Variants in BICRAL observed in about 807,000 individuals in gnomAD.
BICRAL encodes the protein BICRA like chromatin remodeling complex associated protein.
Under a neutral mutation model 91.8 loss-of-function variants are expected in BICRAL, and 8 were observed. That is an observed-to-expected ratio of 0.09 (90% confidence interval 0.05 to 0.16). The LOEUF (loss-of-function observed/expected upper bound fraction) is 0.16. BICRAL is among the 10% of genes least tolerant of loss of function. The pLI is 1.00. For synonymous variants in BICRAL, 445 were observed against 491.1 expected, an observed-to-expected ratio of 0.91 and a Z score of 1.24; for missense variants, 1,038 against 1,310.9, an observed-to-expected ratio of 0.79 and a Z score of 3.21.
chr6:42,774,729 C>CT (rs1412097561), intron 1 of BICRAL, among the ~76,000 whole-genome samples: 3 of 151,984 alleles, frequency 2.0e-5, no homozygotes. Flanking sequence ...ATTATATGGT[C>CT]TAAGGGTATT....
At chr6:42,800,599 G>C (rs1763537551) in intron 1 of BICRAL, among the ~76,000 whole-genome samples, 1 of 149,910 alleles carries the variant, frequency 6.7e-6, no homozygotes, top group African/African-American at 2.5e-5. Flanking sequence ...GCCCAGGCTA[G>C]AGTGCAGTGC....
Position 42,829,410 on chromosome 6 carries a change from G to A in BICRAL, c.1077G>A (p.Met359Ile), listed in dbSNP as rs1378375984. 1.2e-6 allele frequency: 2 copies of A among 1,614,186 alleles called. No homozygotes were observed. Among genetic ancestry groups the A allele is most frequent in the Non-Finnish European group, 1.7e-6 (2 of 1,180,040 alleles). The change falls in exon 6 of 13, where the codon ATG (methionine) becomes ATA (isoleucine). Residue 359 changes from methionine (M) to isoleucine (I), a missense_variant. This residue lies in a region of BICRAL where 532 missense variants were observed against 724.9 expected (regional missense o/e 0.73). Transcript: ENST00000314073. ...SPQGSVVGPH[M>I]SVNIVNQQNT... ...AGGGCTCAGTAGTTGGTCCACACATGTCTGTGAACATTGTAAACCAACAGA... is the reference window on the plus strand; with the variant it reads ...AGGGCTCAGTAGTTGGTCCACACATATCTGTGAACATTGTAAACCAACAGA...
chr6:42,848,246 C>G lies in BICRAL; in HGVS notation c.1840-3846C>G, dbSNP rs1257087614. Among the ~76,000 whole-genome samples the G allele has an allele frequency of 9.3e-5, 14 of 150,294 alleles. No individual in the cohort carries two copies. The East Asian group carries it at 2.6e-3, about 27-fold the overall frequency. ...CAGCCTGGGCGACAGAGTGAGACTC[C>G]ATCTCAAAAAAAAAAAAATTAGCCA... is the stretch of plus-strand genomic sequence containing the variant. On this transcript the variant is annotated intron_variant, in intron 6 of 12. Transcript: ENST00000314073.
chr6:42,842,857 T>TA (rs573351637), intron 6 of BICRAL, among the ~76,000 whole-genome samples: 9 of 55,682 alleles, frequency 1.6e-4, no homozygotes, highest in African/African-American at 6.3e-4. Flanking sequence ...GAACACAGTA[T>TA]TTTTTTTTTT....
intron 1 of BICRAL, among the ~76,000 whole-genome samples, chr6:42,797,963 G>A (rs1294540937): frequency 6.6e-6 from 1 of 152,146 alleles, no homozygotes; most frequent in Non-Finnish European, 1.5e-5. Flanking sequence ...GTGACAAAGT[G>A]AGACAATGTC....
At chr6:42,784,581 A>G (rs1006874651) in intron 1 of BICRAL, among the ~76,000 whole-genome samples, 3 of 152,206 alleles carry the variant, frequency 2.0e-5, no homozygotes, top group Admixed American at 1.3e-4. Flanking sequence ...CAGCCCAGAA[A>G]TAGTGATTTT....
chr6:42,775,527 G>T (rs569940683), intron 1 of BICRAL, among the ~76,000 whole-genome samples: 1 of 152,332 alleles, frequency 6.6e-6, no homozygotes, highest in East Asian at 1.9e-4. Context: ...CCAGTGAATG[G>T]CACATCCTGG....
rs111393871 is a variant in BICRAL, at chr6:42,868,140, T to G, written c.*2694T>G. On this transcript the variant is annotated 3_prime_UTR_variant, in exon 13 of 13. Coordinates refer to ENST00000314073, the MANE Select transcript of BICRAL (RefSeq NM_001393499.1). ...TTAAGCATTTGATTTTCTGTGTCCT[T>G]AAGTACTTCCTGAAGATGAAGCAAA... 3.0e-4 allele frequency: 46 copies of G among 152,238 alleles called. No individual in the cohort carries two copies. Among genetic ancestry groups the G allele is most frequent in the African/African-American group, 1.1e-3 (44 of 41,428 alleles). 9.4% of individuals were successfully genotyped at this position (152,238 alleles called of 1,614,324 possible).
intron 2 of BICRAL, among the ~76,000 whole-genome samples, chr6:42,814,849 G>A (rs1358731373): frequency 1.3e-5 from 2 of 151,784 alleles, no homozygotes; most frequent in African/African-American, 4.8e-5. Context: ...AAAAACATTT[G>A]TAATAGTGGC....
rs116495900 is a variant in BICRAL at position 42,851,333 on chromosome 6, G to A, written c.1840-759G>A. On this transcript the variant is annotated intron_variant, in intron 6 of 12. Transcript: ENST00000314073. ...GCCCAGGAGTTTGAGACCAGCCTTG[G>A]TAACATAATGAGACCCTATGGCAAA... 7.8e-3 allele frequency among the ~76,000 whole-genome samples: 1,180 copies of A among 152,176 alleles called. 16 individuals carry two copies. Among genetic ancestry groups the A allele is most frequent in the African/African-American group, 0.027 (1,130 of 41,502 alleles).
intron 2 of BICRAL, among the ~76,000 whole-genome samples, chr6:42,815,472 G>A (rs903605102): frequency 6.6e-6 from 1 of 151,928 alleles, no homozygotes; most frequent in Non-Finnish European, 1.5e-5. Flanking sequence ...GATTACAGGC[G>A]TGAGCCACCG....
rs546946437 is a variant in BICRAL, at chr6:42,790,676, A to G, written c.-102+8575A>G. Among the ~76,000 whole-genome samples the G allele has an allele frequency of 2.0e-5, 3 of 152,216 alleles. No homozygotes were observed. The East Asian group carries it at 5.8e-4, about 29-fold the overall frequency. ...AATGGAGTAGATGATGGAATTCAAA[A>G]TAGCTGTCTACATTCTTCACTGAGA... On this transcript the variant is annotated intron_variant, in intron 1 of 12. Coordinates refer to ENST00000314073, the MANE Select transcript of BICRAL (RefSeq NM_001393499.1).
At chr6:42,840,893 G>A (rs759693209) in intron 6 of BICRAL, among the ~76,000 whole-genome samples, 1 of 151,242 alleles carries the variant, frequency 6.6e-6, no homozygotes, top group Non-Finnish European at 1.5e-5. Flanking sequence ...GGCTAACATG[G>A]TGAAACCTCG....
chr6:42,752,976 G>A (rs1189864456), intron 1 of BICRAL, among the ~76,000 whole-genome samples: 1 of 142,124 alleles, frequency 7.0e-6, no homozygotes, highest in African/African-American at 2.7e-5. Flanking sequence ...ACCCAGGCTA[G>A]AGTGCAGTGG....
chr6:42,817,705 T>A (rs945928113), intron 2 of BICRAL, among the ~76,000 whole-genome samples: 1 of 152,082 alleles, frequency 6.6e-6, no homozygotes, highest in African/African-American at 2.4e-5. Context: ...TTCAAGAACA[T>A]TTTTATTGCC....
intron 6 of BICRAL, among the ~76,000 whole-genome samples, chr6:42,840,620 T>A (rs1177405080): frequency 6.6e-6 from 1 of 151,626 alleles, no homozygotes; most frequent in Non-Finnish European, 1.5e-5. Context: ...CACTCCAACC[T>A]CCACCTCCCA....
intron 6 of BICRAL, among the ~76,000 whole-genome samples, chr6:42,847,331 T>G (rs968830109): frequency 1.3e-5 from 2 of 152,202 alleles, no homozygotes; most frequent in Non-Finnish European, 2.9e-5. Context: ...TAGATGTTTA[T>G]CAAATTGAGA....
chr6:42,840,630 A>C (rs1419170940), intron 6 of BICRAL, among the ~76,000 whole-genome samples: 1 of 151,226 alleles, frequency 6.6e-6, no homozygotes, highest in Non-Finnish European at 1.5e-5. Flanking sequence ...TCCACCTCCC[A>C]GTTCAAGCAA....
chr6:42,752,912 CTTTTTTT>C (rs57864510), intron 1 of BICRAL, among the ~76,000 whole-genome samples: 78 of 82,216 alleles, frequency 9.5e-4, no homozygotes, highest in African/African-American at 2.9e-3. Flanking sequence ...CCCCAGCTGA[CTTTTTTT>C]TTTTTTTTTT....
Sources: allele counts gnomAD v4.1 joint callset (sites outside exome capture counted in the v4.1 genomes callset), GRCh38; gene constraint gnomAD v4.1.1; regional missense constraint gnomAD v4.1.1; transcripts MANE v1.5; gene names NCBI Gene and HGNC (gene_info 2026-07-23, HGNC 2026-07-21).